The following GRM7 variants were observed in gnomAD, a reference collection of about 807,000 sequenced individuals.
GRM7 encodes glutamate metabotropic receptor 7.
A neutral mutation model predicts 84.5 loss-of-function variants in GRM7; 35 were observed. That is an observed-to-expected ratio of 0.41 (90% CI 0.32 to 0.55). The LOEUF is 0.55. GRM7 is among the 20% of genes least tolerant of loss of function. The pLI is 0.19. For missense variants in GRM7, 1,003 were observed against 1,194.6 expected (o/e 0.84, Z 2.36); for synonymous variants, 487 against 455.1 (o/e 1.07, Z -0.89).
intron 4 of GRM7, among the ~76,000 whole-genome samples, chr3:7,364,275 C>T (rs1693786103): frequency 6.6e-6 from 1 of 151,716 alleles, no homozygotes; most frequent in Non-Finnish European, 1.5e-5. Flanking sequence ...ACTCCTTTAC[C>T]CCATTAAGAA....
chr3:7,198,082 G>T (rs1181614682), intron 2 of GRM7, among the ~76,000 whole-genome samples: 1 of 150,872 alleles, frequency 6.6e-6, no homozygotes, highest in African/African-American at 2.4e-5. Flanking sequence ...AGTTTTAATC[G>T]TTTTAATCAA....
At chr3:6,936,964 T>A (rs1047903387) in intron 1 of GRM7, among the ~76,000 whole-genome samples, 1 of 152,230 alleles carries the variant, frequency 6.6e-6, no homozygotes, top group Admixed American at 6.5e-5. Flanking sequence ...TTGGACATTT[T>A]AGTCAATGGC....
chr3:7,339,571 T>C (rs1250238774), intron 4 of GRM7, among the ~76,000 whole-genome samples: 4 of 152,072 alleles, frequency 2.6e-5, no homozygotes, highest in African/African-American at 9.7e-5. Flanking sequence ...AGCTCCACCC[T>C]CCATTAAAGT....
intron 8 of GRM7, among the ~76,000 whole-genome samples, chr3:7,659,292 T>C (rs1057085681): frequency 6.6e-6 from 1 of 152,194 alleles, no homozygotes; most frequent in East Asian, 1.9e-4. Context: ...GTACAGGAGA[T>C]AGCCTGTGAG....
chr3:7,331,315 T>A (rs890692346), intron 4 of GRM7, among the ~76,000 whole-genome samples: 1 of 152,140 alleles, frequency 6.6e-6, no homozygotes, highest in Non-Finnish European at 1.5e-5. Flanking sequence ...AGTGTCATGA[T>A]GGAGAAGGAA....
intron 1 of GRM7, among the ~76,000 whole-genome samples, chr3:7,095,242 C>A (rs1698815622): frequency 6.6e-6 from 1 of 152,142 alleles, no homozygotes; most frequent in African/African-American, 2.4e-5. Flanking sequence ...AATTATCTGA[C>A]AGATGGGGAA....
chr3:7,086,719 A>C (rs9816062), intron 1 of GRM7, among the ~76,000 whole-genome samples: 52 of 152,058 alleles, frequency 3.4e-4, no homozygotes, highest in African/African-American at 1.2e-3. Context: ...AGACTTTAGC[A>C]TGTGTTCATG....
intron 1 of GRM7, among the ~76,000 whole-genome samples, chr3:6,974,358 G>A (rs916292931): frequency 2.0e-5 from 3 of 152,146 alleles, no homozygotes; most frequent in Non-Finnish European, 2.9e-5. Flanking sequence ...AGGGTTCTGG[G>A]GGTCCAATTG....
intron 1 of GRM7, among the ~76,000 whole-genome samples, chr3:6,999,464 C>T (rs1240284878): frequency 6.6e-6 from 1 of 152,154 alleles, no homozygotes; most frequent in South Asian, 2.1e-4. Context: ...CAACCTCTGC[C>T]TGTTTCCCAT....
chr3:7,244,151 A>C (rs1697666828), intron 2 of GRM7, among the ~76,000 whole-genome samples: 1 of 152,106 alleles, frequency 6.6e-6, no homozygotes, highest in East Asian at 1.9e-4. Flanking sequence ...CTTCACTAAT[A>C]AGTTTAACTT....
chr3:7,523,001 G>C (rs1418317277), intron 7 of GRM7, among the ~76,000 whole-genome samples: 2 of 152,138 alleles, frequency 1.3e-5, no homozygotes, highest in Non-Finnish European at 2.9e-5. Context: ...AAGAAAGAAA[G>C]AAGACTCCTG....
At chr3:7,452,425 T>C (rs760114672) in intron 5 of GRM7, among the ~76,000 whole-genome samples, 182 bp from the exon 6 acceptor site, 7 of 152,192 alleles carry the variant, frequency 4.6e-5, no homozygotes, top group Non-Finnish European at 8.8e-5. Context: ...ACATGGTAGC[T>C]GGATATGGAT....
At chr3:7,596,376 A>G (rs1365424701) in intron 8 of GRM7, among the ~76,000 whole-genome samples, 1 of 152,184 alleles carries the variant, frequency 6.6e-6, no homozygotes, top group East Asian at 1.9e-4. Context: ...GGAATTCAAG[A>G]GAGATGCTGG....
chr3:7,016,430 C>T (rs1034471363), intron 1 of GRM7, among the ~76,000 whole-genome samples: 14 of 152,076 alleles, frequency 9.2e-5, no homozygotes, highest in African/African-American at 3.1e-4. Context: ...TAGCTGCGTG[C>T]AGGGGAAACA....
intron 1 of GRM7, among the ~76,000 whole-genome samples, chr3:7,016,426 C>T (rs1314593670): frequency 2.0e-5 from 3 of 152,098 alleles, no homozygotes; most frequent in South Asian, 2.1e-4. Context: ...GATGTAGCTG[C>T]GTGCAGGGGA....
intron 7 of GRM7, among the ~76,000 whole-genome samples, chr3:7,551,310 T>G (rs1019870072): frequency 6.6e-6 from 1 of 152,122 alleles, no homozygotes; most frequent in Non-Finnish European, 1.5e-5. Context: ...AACTCAGGGT[T>G]TTTCACGTGT....
At chr3:7,024,973 T>C (rs1695924079) in intron 1 of GRM7, among the ~76,000 whole-genome samples, 1 of 152,200 alleles carries the variant, frequency 6.6e-6, no homozygotes, top group African/African-American at 2.4e-5. Context: ...AATCAACATG[T>C]TGGCAGGGCA....
intron 2 of GRM7, among the ~76,000 whole-genome samples, chr3:7,238,743 C>T (rs1315895248): frequency 1.3e-5 from 2 of 149,162 alleles, no homozygotes; most frequent in Non-Finnish European, 3.0e-5. Context: ...TCTTTTTTTT[C>T]TTTTCTTTTC....
At chr3:7,593,689 G>A (rs1455623554) in intron 8 of GRM7, among the ~76,000 whole-genome samples, 1 of 152,128 alleles carries the variant, frequency 6.6e-6, no homozygotes, top group Non-Finnish European at 1.5e-5. Flanking sequence ...GAGTGTAGAG[G>A]ATGGAGGTAG....
Sources: gnomAD v4.1 joint callset for allele counts (sites outside exome capture counted in the v4.1 genomes callset) on GRCh38, gnomAD v4.1.1 for gene constraint, MANE v1.5 for transcripts, NCBI Gene and HGNC (gene_info 2026-07-23, HGNC 2026-07-21) for gene names.